Variants in MARCHF3 observed in about 807,000 individuals in gnomAD.
MARCHF3 encodes the protein membrane associated ring-CH-type finger 3.
A neutral mutation model predicts 24.2 loss-of-function variants in MARCHF3; 13 were observed. The ratio of observed to expected loss-of-function variants is 0.54; its 90% confidence interval spans 0.35 to 0.85. MARCHF3 has a LOEUF of 0.85. Among genes scored for constraint, MARCHF3 ranks in the 40% least tolerant of loss-of-function variants. The pLI, the probability that MARCHF3 is intolerant of heterozygous loss-of-function variation, is 0.01. For synonymous variants in MARCHF3, 144 were observed against 137.3 expected (o/e 1.05, Z -0.34); for missense variants, 276 against 325.0 (o/e 0.85, Z 1.16).
chr5:127,020,267 A>C (rs577120795), intron 1 of MARCHF3, among the ~76,000 whole-genome samples: 1 of 152,346 alleles, frequency 6.6e-6, no homozygotes, highest in East Asian at 1.9e-4. Flanking sequence ...TAGGAGTATC[A>C]CAGATCCCAG....
At chr5:126,961,561 C>T (rs1234814782) in intron 1 of MARCHF3, among the ~76,000 whole-genome samples, 1 of 152,084 alleles carries the variant, frequency 6.6e-6, no homozygotes. Context: ...ATTTGTGTAA[C>T]TACAGTACTG....
chr5:126,898,773 G>A (rs1055331683), intron 3 of MARCHF3: 26 of 782,220 alleles, frequency 3.3e-5, no homozygotes, highest in South Asian at 1.8e-4. Context: ...ATTTTCCCTC[G>A]GAGCCCTAAA....
Position 126,916,688 on chromosome 5 carries a change from G to GACACACACACACAC in MARCHF3, c.188+1295_188+1296insGTGTGTGTGTGTGT, listed in dbSNP as rs756972169. Reference sequence around the variant, plus strand: ...GGTAAAAATACCTGACAGACAGACAGACAGACACACACACACACACACACA... The same window carrying GACACACACACACAC: ...GGTAAAAATACCTGACAGACAGACAGACACACACACACACACAGACACACACACACACACACACA... On this transcript the variant is annotated intron_variant, in intron 2 of 4. Transcript: ENST00000308660. Among the ~76,000 whole-genome samples the GACACACACACACAC allele has an allele frequency of 3.7e-3, 280 of 76,444 alleles. 1 individual carries two copies. Among genetic ancestry groups the GACACACACACACAC allele is most frequent in the African/African-American group, 0.01 (238 of 22,832 alleles). The allele number at this position is 76,444 out of a possible 152,430, so 50.2% of individuals were successfully genotyped here. A position where few individuals can be genotyped will look rare whatever the true frequency, so the allele number is the denominator to read the frequency against.
intron 1 of MARCHF3, among the ~76,000 whole-genome samples, chr5:127,022,335 G>A (rs1410513890): frequency 6.6e-6 from 1 of 152,200 alleles, no homozygotes; most frequent in African/African-American, 2.4e-5. Context: ...TGGTAACAGA[G>A]CTTTTATAAA....
chr5:126,912,761 C>CTTTTA (rs1754582698), intron 3 of MARCHF3, among the ~76,000 whole-genome samples: 1 of 152,222 alleles, frequency 6.6e-6, no homozygotes. Flanking sequence ...CTTTTTATTG[C>CTTTTA]TTGTGGTCAA....
rs537124248 is a variant in MARCHF3 at position 126,929,363 on chromosome 5, G to A, written c.-56-11136C>T. Among the ~76,000 whole-genome samples the A allele has an allele frequency of 2.0e-5, 3 of 152,298 alleles. No individual in the cohort carries two copies. In the South Asian group the frequency reaches 6.2e-4, roughly 32 times the overall value. ...TCACATCAGATGGCAAGTAATGTAT[G>A]GCGGTCCCACTTTTAGTGGGCTCAG... On this transcript the variant is annotated intron_variant, in intron 1 of 4. Transcript: ENST00000308660.
At chr5:126,956,367 G>A (rs1265465461) in intron 1 of MARCHF3, among the ~76,000 whole-genome samples, 1 of 152,110 alleles carries the variant, frequency 6.6e-6, no homozygotes, top group Admixed American at 6.5e-5. Flanking sequence ...GTCCAGGCAT[G>A]GTGGCTCACG....
intron 1 of MARCHF3, among the ~76,000 whole-genome samples, chr5:126,998,852 T>C (rs1752031073): frequency 6.6e-6 from 1 of 152,150 alleles, no homozygotes; most frequent in African/African-American, 2.4e-5. Context: ...AGCTCCAATA[T>C]GTCTGTGGAT....
At chr5:126,915,156 C>T (rs1270794721) in intron 2 of MARCHF3, 22 bp from the exon 3 acceptor site, 8 of 1,609,100 alleles carry the variant, frequency 5.0e-6, no homozygotes, top group Non-Finnish European at 6.8e-6. Context: ...GGAGGGGCAC[C>T]TGCTGGTCAC....
intron 1 of MARCHF3, among the ~76,000 whole-genome samples, chr5:127,024,915 C>T (rs1561478762): frequency 6.6e-6 from 1 of 152,196 alleles, no homozygotes; most frequent in Non-Finnish European, 1.5e-5. Flanking sequence ...TACTCGGCAG[C>T]TCCTAACATA....
chr5:127,024,909 C>T (rs939166400), intron 1 of MARCHF3, among the ~76,000 whole-genome samples: 2 of 152,158 alleles, frequency 1.3e-5, no homozygotes, highest in South Asian at 2.1e-4. Context: ...AAAATATACT[C>T]GGCAGCTCCT....
intron 1 of MARCHF3, among the ~76,000 whole-genome samples, chr5:126,955,626 T>C (rs1277859297): frequency 6.6e-6 from 1 of 152,234 alleles, no homozygotes; most frequent in Non-Finnish European, 1.5e-5. Flanking sequence ...TGCCTGAGGG[T>C]ATCCTTTGCA....
chr5:127,002,006 A>G (rs1343256601), intron 1 of MARCHF3, among the ~76,000 whole-genome samples: 1 of 152,266 alleles, frequency 6.6e-6, no homozygotes, highest in Admixed American at 6.5e-5. Flanking sequence ...TACAGAATGG[A>G]CACTACACAT....
At chr5:126,893,259 T>C (rs1020102974) in intron 3 of MARCHF3, among the ~76,000 whole-genome samples, 4 of 151,856 alleles carry the variant, frequency 2.6e-5, no homozygotes, top group Non-Finnish European at 5.9e-5. Context: ...TTCGTTAATT[T>C]TTTGAAGGGT....
rs1387280430 is a variant in MARCHF3, at chr5:126,973,037, TA to T, written c.-56-54811del. ...TCATTTCCACTTTTACTTAAAATTT[TA>T]ATATCTTCTCCCCAGGTTCTTTATT... On this transcript the variant is annotated intron_variant, in intron 1 of 4. Transcript: ENST00000308660. 2.6e-5 allele frequency among the ~76,000 whole-genome samples: 4 copies of T among 152,374 alleles called. No homozygotes were observed. The East Asian group carries it at 7.7e-4, about 29-fold the overall frequency.
chr5:126,904,732 A>G (rs796299632), intron 3 of MARCHF3, among the ~76,000 whole-genome samples: 6,863 of 150,388 alleles, frequency 0.046, 221 homozygotes, highest in African/African-American at 0.11. Context: ...TCAGATGAGT[A>G]GGTTGGGAAA....
intron 4 of MARCHF3, among the ~76,000 whole-genome samples, chr5:126,873,866 C>G (rs1693548255): frequency 1.3e-5 from 2 of 152,204 alleles, no homozygotes; most frequent in Non-Finnish European, 2.9e-5. Context: ...AAGGAGACCA[C>G]AGGTTTGCAT....
intron 3 of MARCHF3, among the ~76,000 whole-genome samples, chr5:126,911,326 C>T (rs558273519): frequency 2.8e-4 from 42 of 152,206 alleles, no homozygotes; most frequent in Admixed American, 7.2e-4. Flanking sequence ...GCTGGTTTTA[C>T]GGCTCAGGGG....
chr5:127,016,479 C>T (rs563732055), intron 1 of MARCHF3, among the ~76,000 whole-genome samples: 2 of 152,262 alleles, frequency 1.3e-5, no homozygotes, highest in Admixed American at 6.5e-5. Context: ...CAAAAGAAGA[C>T]ATTTATGTAG....
Sources: allele counts gnomAD v4.1 joint callset (sites outside exome capture counted in the v4.1 genomes callset), GRCh38; gene constraint gnomAD v4.1.1; transcripts MANE v1.5; gene names NCBI Gene and HGNC (gene_info 2026-07-23, HGNC 2026-07-21).